Variants in EIF2AK4 observed in about 807,000 individuals in gnomAD.
EIF2AK4 encodes the protein eIF-2-alpha kinase GCN2.
EIF2AK4 carries 139 observed loss-of-function variants against 211.1 expected under a neutral mutation model. That is an observed-to-expected ratio of 0.66 (90% CI 0.57 to 0.76). The LOEUF is 0.76. Ranked by LOEUF, EIF2AK4 falls within the 30% of genes least tolerant of loss-of-function variation. EIF2AK4 has a pLI of 0.00. For synonymous variants in EIF2AK4, 710 were observed against 751.3 expected (o/e 0.94, Z 0.90); for missense variants, 1,664 against 2,043.8 (o/e 0.81, Z 3.58).
chr15:40,016,780 G>GA, intron 28 of EIF2AK4, 108 bp downstream of exon 28: 3 of 1,380,874 alleles, frequency 2.2e-6, no homozygotes, highest in African/African-American at 1.5e-5. Flanking sequence ...TATTTTTCCA[G>GA]AAAAACTGCT....
At chr15:40,001,278 C>A in intron 21 of EIF2AK4, 54 bp downstream of exon 21, 1 of 1,562,862 alleles carries the variant, frequency 6.4e-7, no homozygotes, top group South Asian at 1.1e-5. Context: ...ACAAAAGGAT[C>A]AAGCCAGTTT....
intron 23 of EIF2AK4, among the ~76,000 whole-genome samples, chr15:40,004,287 A>T (rs1218012303): frequency 2.0e-5 from 3 of 152,244 alleles, no homozygotes; most frequent in African/African-American, 7.2e-5. Context: ...AAAGAAAAAC[A>T]CATCAGTGTA....
Position 40,032,795 on chromosome 15 carries a change from AT to A in EIF2AK4, c.4769del (p.Leu1590Ter), listed in dbSNP as rs756315327. 2 of 1,613,310 alleles carry A rather than the reference AT, an allele frequency of 1.2e-6. No individual in the cohort carries two copies. The highest frequency in any genetic ancestry group is 2.7e-5 in the African/African-American group (2 of 75,022). On this transcript the variant is annotated frameshift_variant, in exon 37 of 39. Transcript: ENST00000263791. LOFTEE classifies it high-confidence loss of function. ...PKETILQFLS[L>X]EWDADEQAFN... ...AAGAAACAATATTACAGTTTTTATC[AT>A]TAGAGGTAAGCAATATGAACTCTTC...
intron 31 of EIF2AK4, 81 bp downstream of exon 31, chr15:40,021,108 G>A: frequency 6.9e-7 from 1 of 1,445,340 alleles, no homozygotes; most frequent in Non-Finnish European, 9.3e-7. Flanking sequence ...CCTATAGACT[G>A]TCAAACTCTG....
At chr15:39,954,932 T>C (rs1238231599) in intron 5 of EIF2AK4, among the ~76,000 whole-genome samples, 1 of 152,218 alleles carries the variant, frequency 6.6e-6, no homozygotes, top group Non-Finnish European at 1.5e-5. Flanking sequence ...AAGGTGACAT[T>C]CTCTGTGACT....
intron 9 of EIF2AK4, among the ~76,000 whole-genome samples, chr15:39,971,343 GC>G (rs1398041581): frequency 6.6e-6 from 1 of 152,062 alleles, no homozygotes; most frequent in Non-Finnish European, 1.5e-5. Context: ...GGCCAACATG[GC>G]AAAACCCCAT....
At chr15:39,969,285 T>G (rs931439225) in intron 9 of EIF2AK4, among the ~76,000 whole-genome samples, 1 of 152,048 alleles carries the variant, frequency 6.6e-6, no homozygotes, top group Non-Finnish European at 1.5e-5. Context: ...AGGTAAAACT[T>G]TCCTAGTTCT....
intron 32 of EIF2AK4, 27 bp from the exon 33 acceptor site, chr15:40,025,950 T>C (rs1286446895): frequency 1.2e-6 from 2 of 1,606,832 alleles, no homozygotes; most frequent in Non-Finnish European, 8.5e-7. Context: ...AACCTCCAAA[T>C]GATAGATCCG....
intron 13 of EIF2AK4, among the ~76,000 whole-genome samples, chr15:39,984,609 CA>C (rs891130063): frequency 2.0e-5 from 3 of 152,118 alleles, no homozygotes; most frequent in African/African-American, 7.2e-5. Context: ...ATTCTCTTTA[CA>C]GCAATTGTGA....
intron 9 of EIF2AK4, among the ~76,000 whole-genome samples, chr15:39,969,751 G>T (rs2140914376): frequency 6.6e-6 from 1 of 152,294 alleles, no homozygotes; most frequent in African/African-American, 2.4e-5. Context: ...TTAAGGAGCT[G>T]CCAAGAACTG....
chr15:39,942,110 T>C (rs2034153321), intron 2 of EIF2AK4, among the ~76,000 whole-genome samples: 3 of 152,248 alleles, frequency 2.0e-5, no homozygotes, highest in Admixed American at 1.3e-4. Flanking sequence ...TATATTATGA[T>C]TACTTATTTT....
In EIF2AK4 at chr15:40,019,138, G is replaced by A; in HGVS notation, c.4111G>A (p.Ala1371Thr). The change falls in exon 30 of 39, where the codon GCC becomes ACC. Residue 1371 changes from alanine to threonine, a missense_variant. By Grantham distance (58) the Ala-to-Thr change is moderately conservative. Transcript: ENST00000263791. ...GPQALGPVPT[A>T]IGVSIAIDKI... ...ACAAGCTCTGGGGCCAGTTCCCACT[G>A]CCATTGGGGTCAGCATAGCTATAGA... 1.9e-6 allele frequency: 3 copies of A among 1,607,868 alleles called. No individual in the cohort carries two copies. The highest frequency in any genetic ancestry group is 2.5e-6 in the Non-Finnish European group (3 of 1,177,044).
At position 40,023,780 on chromosome 15, in the gene EIF2AK4, C is replaced by G. The variant is rs573779715; in HGVS notation, c.4389+1175C>G. Among the ~76,000 whole-genome samples, 20 of 152,286 alleles carry G rather than the reference C, an allele frequency of 1.3e-4. No homozygotes were observed. In the South Asian group the frequency reaches 4.1e-3, roughly 32 times the overall value. ...TTCATGTGTTTTCTATTTTATTCAT[C>G]TCCACTCTTATCCATTACTATTTTC... On this transcript the variant is annotated intron_variant, in intron 32 of 38. Transcript: ENST00000263791.
At chr15:40,000,285 G>A (rs939520299) in intron 20 of EIF2AK4, among the ~76,000 whole-genome samples, 3 of 152,130 alleles carry the variant, frequency 2.0e-5, no homozygotes, top group Non-Finnish European at 2.9e-5. Flanking sequence ...TGGTAGGGGG[G>A]CATATTTTAA....
chr15:39,936,486 C>T (rs548603872), intron 1 of EIF2AK4, among the ~76,000 whole-genome samples: 4 of 152,276 alleles, frequency 2.6e-5, no homozygotes, highest in Non-Finnish European at 5.9e-5. Context: ...AATCTCGGCT[C>T]ACTGCAACCT....
At chr15:40,011,172 G>A in intron 26 of EIF2AK4, 109 bp from the exon 27 acceptor site, 2 of 801,752 alleles carry the variant, frequency 2.5e-6, no homozygotes, top group South Asian at 3.3e-5. Context: ...ACCATTAGGA[G>A]CAGTTTGTTC....
chr15:40,010,687 T>C (rs979864632), intron 26 of EIF2AK4, among the ~76,000 whole-genome samples: 2 of 152,200 alleles, frequency 1.3e-5, no homozygotes, highest in African/African-American at 4.8e-5. Context: ...ATTGTTTTTA[T>C]ACACCAAAAG....
intron 18 of EIF2AK4, among the ~76,000 whole-genome samples, chr15:39,993,952 G>A (rs1029076716): frequency 6.6e-6 from 1 of 152,174 alleles, no homozygotes; most frequent in African/African-American, 2.4e-5. Flanking sequence ...GAAGGGATTT[G>A]AGAGATTTTC....
At chr15:40,007,494 A>G (rs1421146227) in intron 24 of EIF2AK4, among the ~76,000 whole-genome samples, 2 of 152,190 alleles carry the variant, frequency 1.3e-5, no homozygotes, top group African/African-American at 4.8e-5. Flanking sequence ...AGAGAAGTGG[A>G]GTAAACCCAG....
Sources: gnomAD v4.1 joint callset for allele counts (sites outside exome capture counted in the v4.1 genomes callset) on GRCh38, gnomAD v4.1.1 for gene constraint, MANE v1.5 for transcripts, NCBI Gene and HGNC (gene_info 2026-07-23, HGNC 2026-07-21) for gene names.